MCPH1: variants seen among roughly 807,000 people sequenced by gnomAD.
MCPH1 encodes the protein microcephalin.
In MCPH1, 104 loss-of-function variants were observed where a neutral mutation model predicts 84.5. That is an observed-to-expected ratio of 1.23 (90% CI 1.05 to 1.45). The LOEUF is 1.45. MCPH1 is among the 40% of genes most tolerant of loss of function. The pLI, the probability that MCPH1 is intolerant of heterozygous loss-of-function variation, is 0.00. For synonymous variants in MCPH1, 514 were observed against 366.8 expected, an observed-to-expected ratio of 1.40 and a Z score of -4.58; for missense variants, 1,498 against 1,005.7, an observed-to-expected ratio of 1.49 and a Z score of -6.62.
chr8:6,452,350 A>C (rs776399588), intron 8 of MCPH1, among the ~76,000 whole-genome samples: 16 of 151,892 alleles, frequency 1.1e-4, no homozygotes, highest in Non-Finnish European at 2.1e-4. Context: ...TATTAATCCA[A>C]ACTAATTTCC....
At chr8:6,460,513 C>G (rs1480687905) in intron 9 of MCPH1, among the ~76,000 whole-genome samples, 1 of 152,026 alleles carries the variant, frequency 6.6e-6, no homozygotes, top group Non-Finnish European at 1.5e-5. Context: ...TTCATGCCCT[C>G]TATTTGATTT....
At chr8:6,576,481 C>G (rs530962530) in intron 12 of MCPH1, among the ~76,000 whole-genome samples, 1 of 143,088 alleles carries the variant, frequency 7.0e-6, no homozygotes, top group Non-Finnish European at 1.5e-5. Flanking sequence ...CTTTCCCTTC[C>G]CGTTTCCTTT....
chr8:6,554,369 C>T (rs1319215904), intron 12 of MCPH1, among the ~76,000 whole-genome samples: 1 of 151,812 alleles, frequency 6.6e-6, no homozygotes, highest in East Asian at 1.9e-4. Flanking sequence ...CACGTTCTCG[C>T]CCCCAAAAGC....
At chr8:6,476,394 A>G (rs186534471) in intron 9 of MCPH1, among the ~76,000 whole-genome samples, 2 of 148,442 alleles carry the variant, frequency 1.3e-5, no homozygotes, top group Non-Finnish European at 3.0e-5. Context: ...GCACCATTGC[A>G]CTCCAGTCTG....
intron 9 of MCPH1, among the ~76,000 whole-genome samples, chr8:6,464,381 A>G (rs1053551769): frequency 6.6e-6 from 1 of 152,212 alleles, no homozygotes; most frequent in East Asian, 1.9e-4. Flanking sequence ...CCCCATTAGC[A>G]CGTTGTTTTT....
At chr8:6,611,452 CAA>C (rs1830257390) in intron 12 of MCPH1, among the ~76,000 whole-genome samples, 1 of 152,180 alleles carries the variant, frequency 6.6e-6, no homozygotes, top group South Asian at 2.1e-4. Context: ...CAATTCATCA[CAA>C]ACGTTATTTT....
At chr8:6,485,571 A>G (rs1406077698) in intron 11 of MCPH1, among the ~76,000 whole-genome samples, 3 of 151,548 alleles carry the variant, frequency 2.0e-5, no homozygotes, top group African/African-American at 7.3e-5. Flanking sequence ...CTTTCTCTAA[A>G]TTGCTCTTTG....
At chr8:6,427,421 G>C (rs1801217516) in intron 3 of MCPH1, among the ~76,000 whole-genome samples, 2 of 152,190 alleles carry the variant, frequency 1.3e-5, no homozygotes, top group Non-Finnish European at 2.9e-5. Context: ...TCCCAGGCTG[G>C]AGTGAAGTGG....
In MCPH1 at chr8:6,482,985, C is replaced by A. The variant is rs367824681; in HGVS notation, c.2136+2109C>A. Among the ~76,000 whole-genome samples the A allele has an allele frequency of 2.6e-5, 4 of 152,272 alleles. No individual in the cohort carries two copies. In the South Asian group the frequency reaches 8.3e-4, roughly 32 times the overall value. ...TAGAAAGGAAGAAATAGAGTTATCT[C>A]TATTTATAAACCACACAATTTTCTA... On this transcript the variant is annotated intron_variant, in intron 11 of 13. Coordinates refer to ENST00000344683, the MANE Select transcript of MCPH1 (RefSeq NM_024596.5).
intron 1 of MCPH1, 42 bp from the exon 2 acceptor site, chr8:6,409,237 G>T (rs549293289): frequency 2.0e-6 from 3 of 1,511,540 alleles, no homozygotes; most frequent in Admixed American, 3.3e-5. Flanking sequence ...AGGGGATGCT[G>T]GAATTTCAAA....
At chr8:6,490,526 A>G (rs942520776) in intron 11 of MCPH1, among the ~76,000 whole-genome samples, 4 of 152,196 alleles carry the variant, frequency 2.6e-5, no homozygotes, top group African/African-American at 7.2e-5. Context: ...TTTTAGGGAC[A>G]ATGTTAGCTT....
At chr8:6,520,270 G>A (rs553271329) in intron 12 of MCPH1, among the ~76,000 whole-genome samples, 2 of 152,242 alleles carry the variant, frequency 1.3e-5, no homozygotes, top group Non-Finnish European at 2.9e-5. Flanking sequence ...TACATGTAAT[G>A]AAAGTACTTC....
At chr8:6,419,283 A>G (rs764424432) in intron 3 of MCPH1, among the ~76,000 whole-genome samples, 1 of 152,062 alleles carries the variant, frequency 6.6e-6, no homozygotes, top group Non-Finnish European at 1.5e-5. Flanking sequence ...GCAATGACTC[A>G]GTTGCAGCTT....
chr8:6,577,557 G>C (rs1406923565), intron 12 of MCPH1, among the ~76,000 whole-genome samples: 8 of 152,174 alleles, frequency 5.3e-5, no homozygotes, highest in Admixed American at 5.2e-4. Context: ...GACAACTTTA[G>C]AACTTCCTTT....
intron 12 of MCPH1, among the ~76,000 whole-genome samples, chr8:6,572,032 A>G (rs1826701081): frequency 6.6e-6 from 1 of 152,144 alleles, no homozygotes; most frequent in South Asian, 2.1e-4. Context: ...TACCCCATTA[A>G]TAATAAAGCA....
At chr8:6,434,461 G>T (rs924118437) in intron 4 of MCPH1, among the ~76,000 whole-genome samples, 1 of 152,142 alleles carries the variant, frequency 6.6e-6, no homozygotes, top group Admixed American at 6.6e-5. Context: ...TGTCATGCAG[G>T]TACTTTAGTG....
At chr8:6,513,157 A>G (rs1252509441) in intron 12 of MCPH1, among the ~76,000 whole-genome samples, 1 of 152,234 alleles carries the variant, frequency 6.6e-6, no homozygotes, top group African/African-American at 2.4e-5. Context: ...AGTAAACACA[A>G]TGGACAAAAT....
At position 6,444,738 on chromosome 8, in the gene MCPH1, CA is replaced by C. The variant is rs1388746320; in HGVS notation, c.1020del (p.Gly341AlafsTer4). Reference protein sequence around the residue: ...KYRLSPTLSSTKGHLLIHSRP... With the variant: ...KYRLSPTLSSXKGHLLIHSRP... ...CGTTTGTCTCCTACCTTATCTTCAACAAAAGGCCACCTTTTGATACATTCAA... is the reference window on the plus strand; with the variant it reads ...CGTTTGTCTCCTACCTTATCTTCAACAAAGGCCACCTTTTGATACATTCAA... On this transcript the variant is annotated frameshift_variant, in exon 8 of 14. Coordinates refer to ENST00000344683, the MANE Select transcript of MCPH1 (RefSeq NM_024596.5). LOFTEE classifies it high-confidence loss of function. 6.2e-7 allele frequency: 1 copy of C among 1,614,056 alleles called. No homozygotes were observed. The highest frequency in any genetic ancestry group is 8.5e-7 in the Non-Finnish European group (1 of 1,179,980).
At chr8:6,622,734 C>A (rs1831594304) in intron 13 of MCPH1, among the ~76,000 whole-genome samples, 1 of 152,208 alleles carries the variant, frequency 6.6e-6, no homozygotes, top group African/African-American at 2.4e-5. Context: ...GTGGCCTTTC[C>A]TCCATGCACA....
Sources: allele counts gnomAD v4.1 joint callset (sites outside exome capture counted in the v4.1 genomes callset), GRCh38; gene constraint gnomAD v4.1.1; transcripts MANE v1.5; gene names NCBI Gene and HGNC (gene_info 2026-07-23, HGNC 2026-07-21).